MED13: variants seen among roughly 807,000 people sequenced by gnomAD.
The protein encoded by MED13 is mediator complex subunit 13.
A neutral mutation model predicts 225.2 loss-of-function variants in MED13; 23 were observed. The observed-to-expected ratio is 0.10, with a 90% CI of 0.07 to 0.14. MED13 has a LOEUF of 0.14. Among genes scored for constraint, MED13 ranks in the 10% least tolerant of loss-of-function variants. The pLI is 1.00. For synonymous variants in MED13, 942 were observed against 889.2 expected (o/e 1.06, Z -1.06); for missense variants, 2,197 against 2,594.5 (o/e 0.85, Z 3.33).
At chr17:61,992,460 T>C in intron 11 of MED13, 80 bp downstream of exon 11, 1 of 821,068 alleles carries the variant, frequency 1.2e-6, no homozygotes, top group Non-Finnish European at 2.0e-6. Flanking sequence ...AAAAGGAACA[T>C]TAGAAGTCCA....
chr17:62,010,309 C>T (rs1350020968), intron 9 of MED13: 3 of 346,814 alleles, frequency 8.7e-6, no homozygotes, highest in Admixed American at 9.4e-5. Context: ...ATGTAAAATC[C>T]TTAAGTTGGC....
intron 9 of MED13, among the ~76,000 whole-genome samples, chr17:62,001,944 A>G (rs1375586969): frequency 6.6e-6 from 1 of 152,198 alleles, no homozygotes; most frequent in African/African-American, 2.4e-5. Context: ...AATGCAGAGG[A>G]CTTGCAACAG....
intron 8 of MED13, among the ~76,000 whole-genome samples, chr17:62,023,358 A>C (rs1406577048): frequency 6.6e-6 from 1 of 152,192 alleles, no homozygotes; most frequent in Non-Finnish European, 1.5e-5. Flanking sequence ...GACTAGTAAT[A>C]GCAGGGAGCT....
intron 8 of MED13, among the ~76,000 whole-genome samples, chr17:62,019,240 A>G (rs2080613502): frequency 6.6e-6 from 1 of 152,226 alleles, no homozygotes; most frequent in Non-Finnish European, 1.5e-5. Context: ...AATATTAAAG[A>G]GACTTGCACA....
chr17:61,966,024 ACAAG>A (rs945761554), intron 19 of MED13, among the ~76,000 whole-genome samples: 49 of 152,310 alleles, frequency 3.2e-4, no homozygotes, highest in African/African-American at 1.2e-3. Flanking sequence ...AAAGTATGTA[ACAAG>A]CAAGTCTTAA....
chr17:61,949,588 TCA>T (rs998599452), intron 28 of MED13, among the ~76,000 whole-genome samples: 19 of 151,522 alleles, frequency 1.3e-4, no homozygotes, highest in Non-Finnish European at 2.5e-4. Flanking sequence ...TAAAAACCAC[TCA>T]GTTTTTTTTT....
chr17:62,010,431 T>C (rs1326595403), intron 9 of MED13, 119 bp downstream of exon 9: 9 of 590,364 alleles, frequency 1.5e-5, no homozygotes, highest in Non-Finnish European at 2.1e-5. Flanking sequence ...GCAAAGTTAA[T>C]ACTCAATGAA....
At chr17:62,039,590 T>G (rs1215429797) in intron 3 of MED13, among the ~76,000 whole-genome samples, 1 of 98,724 alleles carries the variant, frequency 1.0e-5, no homozygotes, top group Non-Finnish European at 2.1e-5. Flanking sequence ...AGCCAAGATT[T>G]TTTTTTTTTT....
chr17:61,950,951 T>C lies in MED13; in HGVS notation c.6165A>G (p.Val2055=). The C allele has an allele frequency of 6.2e-7, 1 of 1,613,942 alleles. No individual in the cohort carries two copies. Among genetic ancestry groups the C allele is most frequent in the Non-Finnish European group, 8.5e-7 (1 of 1,179,868 alleles). ...RLLSTEPHEE[V]PNILQQPLAL... ...CCAATGGTTGCTGAAGAATATTAGG[T>C]ACTTCCTCATGAGGTTCTGTTGATA... The change falls in exon 28 of 30, where the codon GTA becomes GTG. Residue 2055 remains valine, a synonymous_variant. Coordinates refer to ENST00000397786, the MANE Select transcript of MED13 (RefSeq NM_005121.3).
At chr17:62,022,103 G>T (rs1393402342) in intron 8 of MED13, among the ~76,000 whole-genome samples, 2 of 151,486 alleles carry the variant, frequency 1.3e-5, no homozygotes, top group African/African-American at 4.9e-5. Flanking sequence ...AGGAGACGGA[G>T]GTTGCAGTGA....
intron 2 of MED13, among the ~76,000 whole-genome samples, chr17:62,054,228 G>A (rs1465050447): frequency 6.6e-6 from 1 of 152,000 alleles, no homozygotes; most frequent in East Asian, 1.9e-4. Flanking sequence ...AATCACCCAA[G>A]AGGGAGAGAT....
At chr17:62,054,255 C>A (rs1373221990) in intron 2 of MED13, among the ~76,000 whole-genome samples, 3 of 151,646 alleles carry the variant, frequency 2.0e-5, no homozygotes, top group African/African-American at 7.3e-5. Flanking sequence ...GAGCCAAGAT[C>A]GTGCCACTGC....
At chr17:62,037,933 GCAA>G (rs2080818847) in intron 3 of MED13, among the ~76,000 whole-genome samples, 1 of 125,798 alleles carries the variant, frequency 7.9e-6, no homozygotes, top group African/African-American at 3.0e-5. Context: ...TTCAGCCTGG[GCAA>G]CAGAGTGAGA....
At chr17:62,008,041 T>G in intron 9 of MED13, among the ~76,000 whole-genome samples, 1 of 94,790 alleles carries the variant, frequency 1.1e-5, no homozygotes, top group African/African-American at 4.5e-5. Context: ...AAAAAAGCTG[T>G]GCGCAGTGGC....
In MED13 at chr17:61,946,447, C is replaced by A; in HGVS notation, c.*21G>T. The A allele has an allele frequency of 6.2e-7, 1 of 1,609,452 alleles. No individual in the cohort carries two copies. Among genetic ancestry groups the A allele is most frequent in the Non-Finnish European group, 8.5e-7 (1 of 1,177,752 alleles). ...TCCATTTTTCCTTGTTCTTTTCTTG[C>A]ACAGTTCCATCAAATGAAGATCACA... On this transcript the variant is annotated 3_prime_UTR_variant, in exon 30 of 30. Transcript: ENST00000397786.
intron 20 of MED13, among the ~76,000 whole-genome samples, chr17:61,964,497 C>T (rs774623324): frequency 6.6e-6 from 1 of 151,754 alleles, no homozygotes; most frequent in Admixed American, 6.6e-5. Flanking sequence ...CCCAGGAGGT[C>T]GAGGCTGCAG....
At chr17:61,974,240 T>G (rs1480268347) in intron 16 of MED13, among the ~76,000 whole-genome samples, 1 of 151,866 alleles carries the variant, frequency 6.6e-6, no homozygotes, top group Non-Finnish European at 1.5e-5. Context: ...GGCAAAACCC[T>G]GTCTCTACAA....
intron 12 of MED13, among the ~76,000 whole-genome samples, chr17:61,985,456 T>C (rs1027845479): frequency 1.3e-5 from 2 of 152,174 alleles, no homozygotes; most frequent in Admixed American, 6.5e-5. Context: ...GGCAGATCAA[T>C]TTGAGGCCAG....
rs563578209 is a variant in MED13, at chr17:61,962,054, G to A, written c.5065-275C>T. Among the ~76,000 whole-genome samples, 237 of 152,248 alleles carry A rather than the reference G, an allele frequency of 1.6e-3. 1 individual carries two copies. The highest frequency in any genetic ancestry group is 2.2e-3 in the African/African-American group (90 of 41,546). On this transcript the variant is annotated intron_variant, in intron 21 of 29. Transcript: ENST00000397786. ...TGTAATCCCAGCACTTTGGGAGGCC[G>A]AGGTGGGCAGATCACCAGGTCAAGA...
Sources: allele counts gnomAD v4.1 joint callset (sites outside exome capture counted in the v4.1 genomes callset), GRCh38; gene constraint gnomAD v4.1.1; transcripts MANE v1.5; gene names NCBI Gene and HGNC (gene_info 2026-07-23, HGNC 2026-07-21).